RXFP1: variants seen among roughly 807,000 people sequenced by gnomAD.
The protein encoded by RXFP1 is relaxin family peptide receptor 1, also known as relaxin receptor 1.
A neutral mutation model predicts 89.8 loss-of-function variants in RXFP1; 73 were observed. The ratio of observed to expected loss-of-function variants is 0.81; its 90% CI spans 0.67 to 0.99. The LOEUF is 0.99. Among genes scored for constraint, RXFP1 ranks in the 50% least tolerant of loss-of-function variants. The pLI, the probability that RXFP1 is intolerant of heterozygous loss-of-function variation, is 0.00. For missense variants in RXFP1, 793 were observed against 895.5 expected (o/e 0.89, Z 1.46); for synonymous variants, 277 against 305.5 (o/e 0.91, Z 0.97).
At chr4:158,619,518 A>C (rs1359247924) in intron 9 of RXFP1, among the ~76,000 whole-genome samples, 1 of 152,226 alleles carries the variant, frequency 6.6e-6, no homozygotes, top group African/African-American at 2.4e-5. Flanking sequence ...GGGCTACTAT[A>C]GTGCTTTAAA....
intron 1 of RXFP1, among the ~76,000 whole-genome samples, chr4:158,570,721 T>C (rs866095214): frequency 1.3e-5 from 2 of 152,186 alleles, no homozygotes; most frequent in Admixed American, 6.5e-5. Flanking sequence ...CAGAATTATA[T>C]GACCAAAACA....
At chr4:158,547,179 G>A (rs1481315043) in intron 1 of RXFP1, among the ~76,000 whole-genome samples, 4 of 151,982 alleles carry the variant, frequency 2.6e-5, no homozygotes, top group Admixed American at 6.6e-5. Flanking sequence ...TAGTCTTGGG[G>A]GGGTGTATGT....
intron 1 of RXFP1, among the ~76,000 whole-genome samples, chr4:158,560,907 C>T (rs1458866541): frequency 6.6e-6 from 1 of 152,178 alleles, no homozygotes; most frequent in Non-Finnish European, 1.5e-5. Context: ...AAGTATTTTG[C>T]TTTCCAACTT....
rs1272275145 is a variant in RXFP1 at position 158,646,903 on chromosome 4, G to A, written c.1458G>A (p.Gln486=). The change falls in exon 16 of 18, where the codon CAG becomes CAA. Residue 486 remains glutamine (Q), a synonymous_variant. Transcript: ENST00000307765. The part of the protein sequence containing the change: ...AQLWMESTHC[Q]LVGSLAILST... ...TGTGGATGGAGAGTACTCATTGTCAGCTTGTAGGATCTTTGGCCATTCTGT... is the reference window on the plus strand; with the variant it reads ...TGTGGATGGAGAGTACTCATTGTCAACTTGTAGGATCTTTGGCCATTCTGT... 1.4e-5 allele frequency: 22 copies of A among 1,614,144 alleles called. No individual in the cohort carries two copies. The highest frequency in any genetic ancestry group is 1.9e-5 in the Non-Finnish European group (22 of 1,180,012).
chr4:158,574,147 C>T (rs576908764), intron 2 of RXFP1, among the ~76,000 whole-genome samples: 2 of 152,226 alleles, frequency 1.3e-5, no homozygotes, highest in African/African-American at 4.8e-5. Context: ...GGAAAATAAA[C>T]TTCGGTTAAT....
Position 158,529,565 on chromosome 4 carries a change from C to A in RXFP1, c.49+7540C>A, listed in dbSNP as rs1471525192. Among the ~76,000 whole-genome samples the A allele has an allele frequency of 2.0e-5, 3 of 152,152 alleles. No individual in the cohort carries two copies. The East Asian group carries it at 5.8e-4, about 29-fold the overall frequency. On this transcript the variant is annotated intron_variant, in intron 1 of 17. Transcript: ENST00000307765. ...GTGAGCCACTGCTCCCAAACTCCTT[C>A]AAGTTTTGATCCTGCTACATGCTTG...
chr4:158,575,269 T>G (rs934460520), intron 2 of RXFP1, among the ~76,000 whole-genome samples: 4 of 152,102 alleles, frequency 2.6e-5, no homozygotes, highest in African/African-American at 9.7e-5. Context: ...AATAGGGCAT[T>G]GGGGTTTCAG....
At chr4:158,530,621 C>G (rs1245668886) in intron 1 of RXFP1, among the ~76,000 whole-genome samples, 1 of 152,178 alleles carries the variant, frequency 6.6e-6, no homozygotes, top group Non-Finnish European at 1.5e-5. Flanking sequence ...ATCAGTCATG[C>G]TTTCTGTTAG....
intron 5 of RXFP1, among the ~76,000 whole-genome samples, chr4:158,606,023 G>A (rs1469595859): frequency 6.6e-6 from 1 of 152,180 alleles, no homozygotes; most frequent in African/African-American, 2.4e-5. Context: ...GTCTGCAGAA[G>A]TATCTATTTC....
At chr4:158,563,883 G>A (rs1403554525) in intron 1 of RXFP1, among the ~76,000 whole-genome samples, 1 of 147,394 alleles carries the variant, frequency 6.8e-6, no homozygotes, top group Non-Finnish European at 1.5e-5. Flanking sequence ...ATAATATAAT[G>A]TTACATATTA....
intron 1 of RXFP1, among the ~76,000 whole-genome samples, chr4:158,534,885 TATA>T (rs5863325): frequency 0.22 from 29,105 of 131,684 alleles, 3,743 homozygotes; most frequent in African/African-American, 0.37. Context: ...TATTATTACC[TATA>T]ATAAGTAATT....
intron 1 of RXFP1, among the ~76,000 whole-genome samples, chr4:158,569,630 G>A (rs1754605796): frequency 6.6e-6 from 1 of 152,162 alleles, no homozygotes; most frequent in East Asian, 1.9e-4. Flanking sequence ...AGTCAGAATA[G>A]GATGGTTATG....
intron 9 of RXFP1, 121 bp from the exon 10 acceptor site, chr4:158,626,699 G>A: frequency 3.7e-6 from 2 of 547,208 alleles, no homozygotes; most frequent in Admixed American, 3.8e-5. Flanking sequence ...ACAAGTGAGA[G>A]TCTATATGAA....
intron 1 of RXFP1, among the ~76,000 whole-genome samples, chr4:158,560,167 C>G (rs1275347154): frequency 6.6e-6 from 1 of 152,232 alleles, no homozygotes; most frequent in African/African-American, 2.4e-5. Context: ...AAAGTATTGT[C>G]TACATATCAG....
rs1560952685 is a variant in RXFP1, at chr4:158,531,920, TTTGTTTGTTTGTTTG to T, written c.49+9898_49+9912del. 3.6e-3 allele frequency among the ~76,000 whole-genome samples: 484 copies of T among 134,992 alleles called. 4 individuals are homozygous for T. The highest frequency in any genetic ancestry group is 0.016 in the African/African-American group (450 of 27,566). 88.6% of individuals were successfully genotyped at this position (134,992 alleles called of 152,430 possible). Reference sequence around the variant, plus strand: ...CTGGGTTTTCTGTTGGTTTGGGTATTTTGTTTGTTTGTTTGTTTGTTTGTTTGTTTTACATTTAGG... The same window carrying T: ...CTGGGTTTTCTGTTGGTTTGGGTATTTTTGTTTGTTTGTTTTACATTTAGG... On this transcript the variant is annotated intron_variant, in intron 1 of 17. Transcript: ENST00000307765.
chr4:158,610,883 A>G (rs1209747862), intron 6 of RXFP1, among the ~76,000 whole-genome samples: 1 of 152,204 alleles, frequency 6.6e-6, no homozygotes, highest in Admixed American at 6.5e-5. Context: ...AAACCCAGCA[A>G]GGGAGAACAG....
At chr4:158,605,346 A>C (rs1762372332) in intron 5 of RXFP1, among the ~76,000 whole-genome samples, 1 of 152,210 alleles carries the variant, frequency 6.6e-6, no homozygotes, top group Non-Finnish European at 1.5e-5. Context: ...AACCTCAGAC[A>C]CATATTTCCA....
intron 17 of RXFP1, among the ~76,000 whole-genome samples, chr4:158,651,494 A>G (rs138373518): frequency 1.8e-3 from 279 of 152,306 alleles, no homozygotes; most frequent in African/African-American, 6.3e-3. Context: ...ATTTCTACCT[A>G]AAGGAATATT....
chr4:158,569,281 A>G (rs897647878), intron 1 of RXFP1, among the ~76,000 whole-genome samples: 11 of 152,242 alleles, frequency 7.2e-5, no homozygotes, highest in African/African-American at 2.4e-4. Flanking sequence ...GGAGATAGTA[A>G]AATGTTCAGT....
Sources: gnomAD v4.1 joint callset for allele counts (sites outside exome capture counted in the v4.1 genomes callset) on GRCh38, gnomAD v4.1.1 for gene constraint, MANE v1.5 for transcripts, NCBI Gene and HGNC (gene_info 2026-07-23, HGNC 2026-07-21) for gene names.